The following SGK1 variants were observed in gnomAD, a reference collection of about 807,000 sequenced individuals.
SGK1 encodes the protein serine/threonine-protein kinase Sgk1.
Under a neutral mutation model 64.2 loss-of-function variants are expected in SGK1, and 26 were observed. The observed-to-expected ratio is 0.40, with a 90% confidence interval of 0.30 to 0.56. SGK1 has a LOEUF of 0.56. SGK1 is among the 20% of genes least tolerant of loss of function. The pLI is 0.38. For missense variants in SGK1, 519 were observed against 645.6 expected, an observed-to-expected ratio of 0.80 and a Z score of 2.12; for synonymous variants, 265 against 239.7, an observed-to-expected ratio of 1.11 and a Z score of -0.98.
chr6:134,273,452 G>C (rs932222135), intron 1 of SGK1, among the ~76,000 whole-genome samples: 2 of 148,762 alleles, frequency 1.3e-5, no homozygotes, highest in Admixed American at 6.8e-5. Context: ...AATTAGCCGG[G>C]CGTAGTGGTG....
chr6:134,186,515 A>G (rs1034817812), intron 3 of SGK1, among the ~76,000 whole-genome samples: 1 of 152,206 alleles, frequency 6.6e-6, no homozygotes, highest in African/African-American at 2.4e-5. Flanking sequence ...CAGGGAGGAA[A>G]TACTCATCAC....
At chr6:134,237,434 G>T (rs1463695797) in intron 2 of SGK1, among the ~76,000 whole-genome samples, 1 of 152,028 alleles carries the variant, frequency 6.6e-6, no homozygotes, top group Non-Finnish European at 1.5e-5. Context: ...CCAGCACTTT[G>T]GGAGGCCAAG....
intron 1 of SGK1, among the ~76,000 whole-genome samples, chr6:134,264,388 G>C (rs911063631): frequency 6.6e-6 from 1 of 152,028 alleles, no homozygotes; most frequent in Admixed American, 6.6e-5. Flanking sequence ...CATAGTGCTG[G>C]TATTACAGGC....
At chr6:134,235,521 G>A (rs949691148) in intron 2 of SGK1, among the ~76,000 whole-genome samples, 7 of 124,734 alleles carry the variant, frequency 5.6e-5, no homozygotes, top group Admixed American at 9.5e-5. Context: ...TGACAAGGAG[G>A]AAGTGGAAAA....
intron 1 of SGK1, among the ~76,000 whole-genome samples, chr6:134,312,437 A>T (rs1777621714): frequency 6.6e-6 from 1 of 152,240 alleles, no homozygotes; most frequent in Non-Finnish European, 1.5e-5. Context: ...AGAGGAGCTT[A>T]ATTTAACTTC....
intron 3 of SGK1, chr6:134,175,885 A>G (rs1039409861): frequency 8.2e-7 from 1 of 1,220,858 alleles, no homozygotes; most frequent in Non-Finnish European, 1.0e-6. Context: ...GAAGAGGAGG[A>G]AGGAAGGAAA....
At chr6:134,294,520 C>T (rs1242301630) in intron 1 of SGK1, among the ~76,000 whole-genome samples, 1 of 152,078 alleles carries the variant, frequency 6.6e-6, no homozygotes, top group East Asian at 1.9e-4. Flanking sequence ...AAGTATTTTA[C>T]TTATAAATTT....
At chr6:134,197,886 TAAAA>T (rs1562247656) in intron 3 of SGK1, among the ~76,000 whole-genome samples, 82 of 86,938 alleles carry the variant, frequency 9.4e-4, no homozygotes, top group African/African-American at 3.1e-3. Context: ...AAATATAAAA[TAAAA>T]TAAAATAAAA....
intron 3 of SGK1, among the ~76,000 whole-genome samples, chr6:134,179,494 CTTTTTT>C (rs5880206): frequency 7.8e-6 from 1 of 128,308 alleles, no homozygotes; most frequent in African/African-American, 2.8e-5. Context: ...AAAGGCATGT[CTTTTTT>C]TTTTTTTTTT....
At chr6:134,257,444 T>G (rs1776702172) in intron 2 of SGK1, among the ~76,000 whole-genome samples, 1 of 152,250 alleles carries the variant, frequency 6.6e-6, no homozygotes, top group African/African-American at 2.4e-5. Context: ...AAACCCACAA[T>G]TAGTTCATAA....
At chr6:134,260,378 C>CCCA (rs1554225486) in intron 2 of SGK1, 1 of 141,232 alleles carries the variant, frequency 7.1e-6, no homozygotes, top group African/African-American at 2.5e-5. Context: ...ACCCCCACCC[C>CCCA]CCCCAAAAAA....
At chr6:134,211,937 C>T (rs1183342615) in intron 2 of SGK1, among the ~76,000 whole-genome samples, 2 of 151,718 alleles carry the variant, frequency 1.3e-5, no homozygotes, top group East Asian at 1.9e-4. Context: ...AGTATGAATC[C>T]CTTCTCAGGA....
At chr6:134,219,651 T>C (rs1776048449) in intron 2 of SGK1, among the ~76,000 whole-genome samples, 1 of 149,372 alleles carries the variant, frequency 6.7e-6, no homozygotes, top group African/African-American at 2.5e-5. Context: ...TCCCAGCTAC[T>C]AGGGAGGCAG....
intron 1 of SGK1, among the ~76,000 whole-genome samples, chr6:134,314,662 G>A (rs1292168301): frequency 6.6e-6 from 1 of 152,140 alleles, no homozygotes; most frequent in Non-Finnish European, 1.5e-5. Flanking sequence ...ACAGCTACAA[G>A]GGCAGATAAC....
intron 11 of SGK1, 177 bp downstream of exon 11, chr6:134,171,460 G>A (rs1431388002): frequency 1.6e-6 from 1 of 615,372 alleles, no homozygotes; most frequent in Non-Finnish European, 2.9e-6. Flanking sequence ...AATGTGAAAT[G>A]CACAAAAGAA....
At chr6:134,175,108 G>C (rs1775187210) in intron 3 of SGK1, among the ~76,000 whole-genome samples, 1 of 152,126 alleles carries the variant, frequency 6.6e-6, no homozygotes, top group Non-Finnish European at 1.5e-5. Context: ...AGTCTCCATC[G>C]GCTCCTGGGG....
At chr6:134,207,704 G>C (rs1320858737) in intron 2 of SGK1, among the ~76,000 whole-genome samples, 1 of 152,188 alleles carries the variant, frequency 6.6e-6, no homozygotes, top group Non-Finnish European at 1.5e-5. Context: ...TTAGCACATG[G>C]GCGCTGGAGC....
chr6:134,219,438 G>A (rs1159416653), intron 2 of SGK1, among the ~76,000 whole-genome samples: 1 of 152,098 alleles, frequency 6.6e-6, no homozygotes, highest in Admixed American at 6.6e-5. Context: ...GCCAGGCCAA[G>A]ATATCTAGAT....
chr6:134,186,437 C>T (rs1562244246), intron 3 of SGK1, among the ~76,000 whole-genome samples: 1 of 152,058 alleles, frequency 6.6e-6, no homozygotes, highest in Non-Finnish European at 1.5e-5. Flanking sequence ...ATGATAAAGA[C>T]ATAAGAGAAG....
Sources: gnomAD v4.1 joint callset for allele counts (sites outside exome capture counted in the v4.1 genomes callset) on GRCh38, gnomAD v4.1.1 for gene constraint, MANE v1.5 for transcripts, NCBI Gene and HGNC (gene_info 2026-07-23, HGNC 2026-07-21) for gene names.